GPLD1: variants seen among roughly 807,000 people sequenced by gnomAD.
GPLD1 encodes phosphatidylinositol-glycan-specific phospholipase D.
GPLD1 carries 84 observed loss-of-function variants against 112.6 expected under a neutral mutation model. That is an observed-to-expected ratio of 0.75 (90% confidence interval 0.63 to 0.89). The LOEUF is 0.89. Ranked by LOEUF, GPLD1 falls within the 40% of genes least tolerant of loss-of-function variation. The pLI is 0.00. For missense variants in GPLD1, 1,044 were observed against 1,051.5 expected, an observed-to-expected ratio of 0.99 and a Z score of 0.10; for synonymous variants, 386 against 403.8, an observed-to-expected ratio of 0.96 and a Z score of 0.53.
chr6:24,455,871 T>A (rs1343313652), intron 13 of GPLD1, among the ~76,000 whole-genome samples: 2 of 152,206 alleles, frequency 1.3e-5, no homozygotes, highest in Non-Finnish European at 2.9e-5. Flanking sequence ...TACAATAACT[T>A]AACCATTAAA....
Position 24,449,855 on chromosome 6 carries a change from G to C in GPLD1, c.1380C>G (p.Asn460Lys), listed in dbSNP as rs773527187. Residue 460 changes from asparagine to lysine, a missense_variant, in exon 15 of 25, where the codon AAC becomes AAG. Asn to Lys is a moderately conservative substitution (Grantham distance 94, BLOSUM62 0). Coordinates refer to ENST00000230036, the MANE Select transcript of GPLD1 (RefSeq NM_001503.4). ...CGGCCAGGTCAGGCACGCCGTCCAC[G>C]TTAAAGTCCAACACAGCCAAGGCCG... ...FGSALAVLDFNVDGVPDLAVG... is the reference protein window; with the variant it reads ...FGSALAVLDFKVDGVPDLAVG... 1 of 1,613,920 alleles carries C rather than the reference G, an allele frequency of 6.2e-7. No individual in the cohort carries two copies. The highest frequency in any genetic ancestry group is 1.3e-5 in the African/African-American group (1 of 75,014).
chr6:24,465,289 C>T (rs1248081786), intron 10 of GPLD1, among the ~76,000 whole-genome samples: 2 of 151,724 alleles, frequency 1.3e-5, no homozygotes, highest in East Asian at 3.9e-4. Flanking sequence ...CCTGTAATCC[C>T]AGCACTTTGG....
intron 2 of GPLD1, among the ~76,000 whole-genome samples, chr6:24,483,900 C>CT (rs1764283766): frequency 6.7e-6 from 1 of 149,492 alleles, no homozygotes. Flanking sequence ...TGCCCCACCA[C>CT]TTTGTTTTGT....
Position 24,426,792 on chromosome 6 carries a change from C to T in GPLD1, c.*2240G>A, listed in dbSNP as rs936421638. On this transcript the variant is annotated 3_prime_UTR_variant, in exon 25 of 25. Transcript: ENST00000230036. The stretch of plus-strand genomic sequence containing the variant: ...ACCATCCTTTTAATTAAAAGTAATT[C>T]TTCAGATAGGTTGGGCTACCAATAA... 1.3e-5 allele frequency among the ~76,000 whole-genome samples: 2 copies of T among 152,186 alleles called. No individual in the cohort carries two copies. The highest frequency in any genetic ancestry group is 2.9e-5 in the Non-Finnish European group (2 of 68,032).
rs374908367 is a variant in GPLD1 at position 24,495,184 on chromosome 6, G to T, written n.22C>A. 27 of 1,502,398 alleles carry T rather than the reference G, an allele frequency of 1.8e-5. No homozygotes were observed. In the East Asian group the frequency reaches 6.2e-4, roughly 34 times the overall value. The allele number at this position is 1,502,398 out of a possible 1,614,324, so 93.1% of individuals were successfully genotyped here. On this transcript the variant is annotated non_coding_transcript_exon_variant, in exon 1 of 11. Transcript: ENST00000474784. ...TCTGCGGCGCTGCTGCGCACCGACA[G>T]CTTCGTGGGCGGCCGCTGGCTCCCG...
intron 7 of GPLD1, among the ~76,000 whole-genome samples, chr6:24,467,625 A>G (rs1307876888): frequency 6.6e-6 from 1 of 152,240 alleles, no homozygotes; most frequent in Non-Finnish European, 1.5e-5. Flanking sequence ...TCAGAGTTCA[A>G]GAAGTAATTT....
At chr6:24,484,380 T>C (rs1244945452) in intron 2 of GPLD1, among the ~76,000 whole-genome samples, 1 of 152,088 alleles carries the variant, frequency 6.6e-6, no homozygotes, top group African/African-American at 2.4e-5. Context: ...CACGGCCAGC[T>C]AATTTTTGTA....
At chr6:24,491,393 A>G (rs766843142), upstream of GPLD1, among the ~76,000 whole-genome samples, 2 of 152,176 alleles carry the variant, frequency 1.3e-5, no homozygotes, top group Admixed American at 1.3e-4. Context: ...AACCCATCCA[A>G]AAAGCACCAA....
chr6:24,456,245 A>T (rs1763262154), intron 13 of GPLD1, among the ~76,000 whole-genome samples: 1 of 151,988 alleles, frequency 6.6e-6, no homozygotes, highest in South Asian at 2.1e-4. Flanking sequence ...CTAAAAATAT[A>T]AAAATTAGCC....
At chr6:24,485,960 C>G (rs1036871339) in intron 2 of GPLD1, 115 bp downstream of exon 2, 5 of 673,638 alleles carry the variant, frequency 7.4e-6, no homozygotes, top group Non-Finnish European at 1.3e-5. Flanking sequence ...TGAGCCACCA[C>G]GCCCAGCCAA....
At chr6:24,487,651 C>G (rs955855188) in intron 1 of GPLD1, among the ~76,000 whole-genome samples, 1 of 152,152 alleles carries the variant, frequency 6.6e-6, no homozygotes, top group Non-Finnish European at 1.5e-5. Flanking sequence ...CTTTAGAATT[C>G]TTTAAGAAGT....
chr6:24,447,664 T>C (rs895635136), intron 17 of GPLD1, among the ~76,000 whole-genome samples: 2 of 152,218 alleles, frequency 1.3e-5, no homozygotes, highest in East Asian at 1.9e-4. Context: ...TTGCCCTCTT[T>C]GGCTCTCTAC....
chr6:24,468,506 T>A (rs1763692344), intron 7 of GPLD1, among the ~76,000 whole-genome samples: 1 of 152,180 alleles, frequency 6.6e-6, no homozygotes, highest in African/African-American at 2.4e-5. Context: ...TCGCTTCGAG[T>A]TGTCCCATCT....
chr6:24,493,623 A>T (rs1275372111), upstream of GPLD1, among the ~76,000 whole-genome samples: 1 of 152,174 alleles, frequency 6.6e-6, no homozygotes, highest in East Asian at 1.9e-4. Context: ...CCCTATTAGG[A>T]CTCCCTGGTT....
chr6:24,494,506 A>G (rs1474986833), upstream of GPLD1, among the ~76,000 whole-genome samples: 1 of 152,188 alleles, frequency 6.6e-6, no homozygotes, highest in Non-Finnish European at 1.5e-5. Flanking sequence ...AGGAGCTACA[A>G]CTGAAGAAGC....
chr6:24,464,270 T>C (rs1458771185), intron 10 of GPLD1, among the ~76,000 whole-genome samples: 3 of 152,204 alleles, frequency 2.0e-5, no homozygotes, highest in African/African-American at 7.2e-5. Flanking sequence ...GCTGTCCCAA[T>C]TTTATAGGTG....
rs372711207 is a variant in GPLD1 at position 24,433,185 on chromosome 6, A to G, written c.2436+2T>C. 4.3e-5 allele frequency: 69 copies of G among 1,605,842 alleles called. No homozygotes were observed. In the South Asian group the frequency reaches 6.5e-4, roughly 15 times the overall value. On this transcript the variant is annotated splice_donor_variant, in intron 24 of 24. Transcript: ENST00000230036. LOFTEE classifies it high-confidence loss of function. Reference sequence around the variant, plus strand: ...TCAATGAAGTTCAGTCCTTGGGCTCACCTTTGCCTTGGACCTCACGGTGAT... The same window carrying G: ...TCAATGAAGTTCAGTCCTTGGGCTCGCCTTTGCCTTGGACCTCACGGTGAT...
intron 22 of GPLD1, chr6:24,435,878 G>A (rs1299498404): frequency 4.2e-5 from 6 of 143,964 alleles, no homozygotes; most frequent in African/African-American, 1.5e-4. Context: ...TTTAGGCCCA[G>A]GAAATGTAAC....
At chr6:24,435,012 ATTTC>A (rs545766120) in intron 22 of GPLD1, among the ~76,000 whole-genome samples, 21 of 141,422 alleles carry the variant, frequency 1.5e-4, no homozygotes, top group Non-Finnish European at 2.8e-4. Flanking sequence ...CATAATATTA[ATTTC>A]TTTTTTTTTT....
Sources: gnomAD v4.1 joint callset for allele counts (sites outside exome capture counted in the v4.1 genomes callset) on GRCh38, gnomAD v4.1.1 for gene constraint, MANE v1.5 for transcripts, NCBI Gene and HGNC (gene_info 2026-07-23, HGNC 2026-07-21) for gene names.